Variants in BEND7 observed in about 807,000 individuals in gnomAD.
BEND7 encodes BEN domain-containing protein 7.
BEND7 carries 28 observed loss-of-function variants against 50.9 expected under a neutral mutation model. The ratio of observed to expected loss-of-function variants is 0.55; its 90% confidence interval spans 0.41 to 0.75. The LOEUF is 0.75. Among genes scored for constraint, BEND7 ranks in the 30% least tolerant of loss-of-function variants. The probability of loss-of-function intolerance (pLI) is 0.00; values close to 1 mark genes in which losing one functional copy is unlikely to be tolerated. For missense variants in BEND7, 477 were observed against 491.3 expected, an observed-to-expected ratio of 0.97 and a Z score of 0.28; for synonymous variants, 170 against 183.9, an observed-to-expected ratio of 0.92 and a Z score of 0.61.
intron 8 of BEND7, 90 bp from the exon 9 acceptor site, chr10:13,441,840 A>G: frequency 7.5e-7 from 1 of 1,336,686 alleles, no homozygotes; most frequent in Non-Finnish European, 1.1e-6. Flanking sequence ...GATGGAAATA[A>G]TTTCTCCAAA....
rs559421157 is a variant in BEND7, at chr10:13,441,321, A to G, written c.*422T>C. ...GATTTTTTTTTTGCTAAGAAAGCCT[A>G]TAAAAAGGTTTCTGAATAAAGACTG... On this transcript the variant is annotated 3_prime_UTR_variant, in exon 9 of 9. Transcript: ENST00000466271. 4.0e-6 allele frequency: 4 copies of G among 998,410 alleles called. No individual in the cohort carries two copies. The South Asian group carries it at 1.4e-4, about 35-fold the overall frequency. The allele number at this position is 998,410 out of a possible 1,614,324, so 61.8% of individuals were successfully genotyped here.
intron 6 of BEND7, among the ~76,000 whole-genome samples, chr10:13,461,483 A>G (rs1840184336): frequency 6.6e-6 from 1 of 152,250 alleles, no homozygotes; most frequent in African/African-American, 2.4e-5. Flanking sequence ...CTGTAATCCC[A>G]GCACTTTGGG....
chr10:13,438,670 G>A (rs1382525284), downstream of BEND7: 1 of 154,992 alleles, frequency 6.5e-6, no homozygotes, highest in Admixed American at 6.4e-5. Flanking sequence ...AAATTCTCAT[G>A]GAGTACAACC....
At chr10:13,519,086 G>C (rs994471599) in intron 2 of BEND7, among the ~76,000 whole-genome samples, 1 of 151,680 alleles carries the variant, frequency 6.6e-6, no homozygotes, top group Non-Finnish European at 1.5e-5. Context: ...GCACAATAAA[G>C]CCACACACAA....
At chr10:13,529,511 C>T (rs1165217797), upstream of BEND7, among the ~76,000 whole-genome samples, 5 of 152,118 alleles carry the variant, frequency 3.3e-5, no homozygotes, top group East Asian at 9.7e-4. Context: ...GCTCCCATTC[C>T]CTAACCCAGG....
In BEND7 at chr10:13,487,409, C is replaced by T. The variant is rs1359316410; in HGVS notation, c.837+5202G>A. 8.5e-5 allele frequency among the ~76,000 whole-genome samples: 11 copies of T among 128,984 alleles called. No individual in the cohort carries two copies. The East Asian group carries it at 1.1e-3, about 13-fold the overall frequency. 84.6% of individuals were successfully genotyped at this position (128,984 alleles called of 152,430 possible). A position where few individuals can be genotyped will look rare whatever the true frequency, so the allele number is the denominator to read the frequency against. ...TTTTCTTTTTTTTTTTTTTTTGAGA[C>T]GGAGTCTTGCTCTGTTGCCCAGGCT... is the stretch of plus-strand genomic sequence containing the variant. On this transcript the variant is annotated intron_variant, in intron 5 of 8. Transcript: ENST00000466271.
chr10:13,498,223 G>A (rs994092280), intron 3 of BEND7, among the ~76,000 whole-genome samples: 6 of 151,792 alleles, frequency 4.0e-5, no homozygotes. Flanking sequence ...CTACATGCAT[G>A]CGCTACCACG....
chr10:13,476,107 T>G (rs151011478), intron 6 of BEND7, among the ~76,000 whole-genome samples: 1 of 152,182 alleles, frequency 6.6e-6, no homozygotes, highest in African/African-American at 2.4e-5. Flanking sequence ...ACTTTTTTTT[T>G]ATTAAATCCT....
chr10:13,450,770 T>C (rs1837487543), intron 7 of BEND7, among the ~76,000 whole-genome samples: 1 of 151,840 alleles, frequency 6.6e-6, no homozygotes, highest in Admixed American at 6.6e-5. Context: ...TGGGGACTCC[T>C]CGAGGAGGGG....
At chr10:13,450,423 G>A (rs144337168) in intron 7 of BEND7, among the ~76,000 whole-genome samples, 1 of 152,316 alleles carries the variant, frequency 6.6e-6, no homozygotes, top group African/African-American at 2.4e-5. Context: ...ATCATGGAAG[G>A]AAATACAAGT....
At chr10:13,527,078 C>G (rs998822066) in intron 1 of BEND7, among the ~76,000 whole-genome samples, 1 of 152,202 alleles carries the variant, frequency 6.6e-6, no homozygotes, top group Admixed American at 6.5e-5. Context: ...AAACTACTCT[C>G]ACTTTTAAGA....
intron 3 of BEND7, 38 bp from the exon 4 acceptor site, chr10:13,496,926 A>C: frequency 1.5e-6 from 2 of 1,300,382 alleles, no homozygotes; most frequent in Admixed American, 4.5e-5. Context: ...CTCCAAACAA[A>C]CCAAAAAAAA....
In BEND7 at chr10:13,480,945, A is replaced by G; in HGVS notation, c.1017T>C (p.Asn339=). ...TTTGGTCTAGTCCTTTCCGGTTGTC[A>G]TTGAGTCCTCTTTTCCTCTTCCCAT... The part of the protein sequence containing the change: ...LPNGKRKRGL[N]DNRKGLDQNI... Residue 339 remains asparagine, a synonymous_variant, in exon 6 of 9, where the codon AAT becomes AAC. Transcript: ENST00000466271. 1 of 1,614,198 alleles carries G rather than the reference A, an allele frequency of 6.2e-7. No individual in the cohort carries two copies. Among genetic ancestry groups the G allele is most frequent in the Non-Finnish European group, 8.5e-7 (1 of 1,180,020 alleles).
intron 6 of BEND7, among the ~76,000 whole-genome samples, chr10:13,457,890 T>G (rs1839335772): frequency 6.6e-6 from 1 of 152,238 alleles, no homozygotes; most frequent in East Asian, 1.9e-4. Flanking sequence ...GTCGAATCAT[T>G]TGCATTCATC....
At chr10:13,474,651 G>A (rs1004920103) in intron 6 of BEND7, among the ~76,000 whole-genome samples, 15 of 150,986 alleles carry the variant, frequency 9.9e-5, no homozygotes, top group African/African-American at 2.9e-4. Flanking sequence ...GTCGATACCC[G>A]TCATCGCTGT....
chr10:13,439,466 C>T (rs76298779), downstream of BEND7: 7,671 of 1,612,738 alleles, frequency 4.8e-3, 325 homozygotes, highest in African/African-American at 0.089. Flanking sequence ...CACTCCCACC[C>T]GGCAGAACAG....
chr10:13,516,941 T>C (rs559092964), intron 2 of BEND7, among the ~76,000 whole-genome samples: 2 of 152,290 alleles, frequency 1.3e-5, no homozygotes, highest in East Asian at 3.9e-4. Context: ...CAGTGTCCAT[T>C]GAAGATTTTT....
In BEND7 at chr10:13,453,238, C is replaced by T. The variant is rs576802820; in HGVS notation, c.1064-580G>A. On this transcript the variant is annotated intron_variant, in intron 6 of 8. Transcript: ENST00000466271. ...ACAAAGGGGACTAAGGAGAACCCCACGGTAGGACACAAGGCAGGCGGGACA... is the reference window on the plus strand; with the variant it reads ...ACAAAGGGGACTAAGGAGAACCCCATGGTAGGACACAAGGCAGGCGGGACA... 2.1e-4 allele frequency among the ~76,000 whole-genome samples: 31 copies of T among 151,072 alleles called. No homozygotes were observed. The South Asian group carries it at 5.7e-3, about 28-fold the overall frequency.
chr10:13,508,935 C>A (rs1348919463), intron 2 of BEND7, among the ~76,000 whole-genome samples: 1 of 152,202 alleles, frequency 6.6e-6, no homozygotes, highest in African/African-American at 2.4e-5. Context: ...ACTTTGTAAT[C>A]ATGGCTGAAG....
Sources: allele counts gnomAD v4.1 joint callset (sites outside exome capture counted in the v4.1 genomes callset), GRCh38; gene constraint gnomAD v4.1.1; transcripts MANE v1.5; gene names NCBI Gene and HGNC (gene_info 2026-07-23, HGNC 2026-07-21).